The following PRR16 variants were observed in gnomAD, a reference collection of about 807,000 sequenced individuals.
PRR16 encodes proline rich 16, also known as protein Largen.
In PRR16, 6 loss-of-function variants were observed where a neutral mutation model predicts 18.2. That is an observed-to-expected ratio of 0.33 (90% CI 0.18 to 0.65). PRR16 has a LOEUF of 0.65. PRR16 is among the 30% of genes least tolerant of loss of function. The pLI is 0.74. For missense variants in PRR16, 412 were observed against 376.6 expected, an observed-to-expected ratio of 1.09 and a Z score of -0.78; for synonymous variants, 151 against 147.8, an observed-to-expected ratio of 1.02 and a Z score of -0.16.
the PRR16 span, among the ~76,000 whole-genome samples, chr5:120,728,725 A>G: frequency 6.6e-6 from 1 of 152,126 alleles, no homozygotes; most frequent in Non-Finnish European, 1.5e-5. Context: ...GGCAGGAGTA[A>G]CCTGCAGTCC....
the PRR16 span, among the ~76,000 whole-genome samples, chr5:120,772,489 T>G: frequency 5.6e-4 from 86 of 152,264 alleles, no homozygotes; most frequent in African/African-American, 2.0e-3. Context: ...ATACCGTTAA[T>G]GTAAAGCTTA....
At chr5:120,464,688 C>T (rs752237030) in intron 1 of PRR16, 43 bp downstream of exon 1, 176 of 1,496,112 alleles carry the variant, frequency 1.2e-4, no homozygotes, top group Non-Finnish European at 1.2e-4. Context: ...CACCCTTCGA[C>T]CCCTCCGGGG....
intron 1 of PRR16, among the ~76,000 whole-genome samples, chr5:120,626,951 A>T (rs2112831666): frequency 6.6e-6 from 1 of 152,208 alleles, no homozygotes; most frequent in East Asian, 1.9e-4. Context: ...GTCTTTTCAA[A>T]TGAAAATGTT....
chr5:120,532,060 AT>A (rs1751568892), intron 1 of PRR16, among the ~76,000 whole-genome samples: 1 of 152,078 alleles, frequency 6.6e-6, no homozygotes, highest in Admixed American at 6.6e-5. Context: ...CATGAGTTGC[AT>A]TTTTTTATCA....
chr5:120,618,661 A>G (rs1049440610), intron 1 of PRR16: 1 of 638,324 alleles, frequency 1.6e-6, no homozygotes, highest in South Asian at 7.0e-5. Flanking sequence ...GATAAAGAGG[A>G]AAAAGTAAAT....
chr5:120,594,400 C>T (rs1458233927), intron 1 of PRR16, among the ~76,000 whole-genome samples: 1 of 151,926 alleles, frequency 6.6e-6, no homozygotes, highest in Admixed American at 6.6e-5. Context: ...AGGAATACAG[C>T]TAATCAAGGT....
At chr5:120,712,504 A>G in the PRR16 span, among the ~76,000 whole-genome samples, 5 of 152,116 alleles carry the variant, frequency 3.3e-5, no homozygotes, top group Non-Finnish European at 4.4e-5. Context: ...AGTAATCAAC[A>G]AAAAGAAGGG....
the PRR16 span, among the ~76,000 whole-genome samples, chr5:120,719,317 T>C: frequency 7.2e-5 from 11 of 152,148 alleles, no homozygotes; most frequent in African/African-American, 2.4e-4. Context: ...TGATGGCATT[T>C]TTGGTTTGAT....
At chr5:120,640,346 A>C (rs1289224749) in intron 1 of PRR16, among the ~76,000 whole-genome samples, 2 of 152,144 alleles carry the variant, frequency 1.3e-5, no homozygotes, top group Non-Finnish European at 2.9e-5. Context: ...TTGCCACTGA[A>C]TTTAAATCTG....
chr5:120,519,575 C>T (rs1183738821), intron 1 of PRR16, among the ~76,000 whole-genome samples: 1 of 151,972 alleles, frequency 6.6e-6, no homozygotes, highest in Non-Finnish European at 1.5e-5. Flanking sequence ...ATGAAAATTC[C>T]ACATCATATG....
At chr5:120,525,237 T>A (rs1181496853) in intron 1 of PRR16, among the ~76,000 whole-genome samples, 2 of 152,154 alleles carry the variant, frequency 1.3e-5, no homozygotes, top group Non-Finnish European at 2.9e-5. Flanking sequence ...TAAATCAGGT[T>A]GTCTTCAAAT....
Position 120,617,083 on chromosome 5 carries a change from T to C in PRR16, c.160-68871T>C, listed in dbSNP as rs546890469. 4 of 982,222 alleles carry C rather than the reference T, an allele frequency of 4.1e-6. No homozygotes were observed. The Admixed American group carries it at 2.5e-4, about 60-fold the overall frequency. 60.8% of individuals were successfully genotyped at this position (982,222 alleles called of 1,614,324 possible). A position where few individuals can be genotyped will look rare whatever the true frequency, so the allele number is the denominator to read the frequency against. On this transcript the variant is annotated intron_variant, in intron 1 of 1. Transcript: ENST00000407149. ...TGAACTATTTTTTAAAGTTTTCTAA[T>C]TTTTTTAACAGAAGCTCCATTACCT...
intron 1 of PRR16, among the ~76,000 whole-genome samples, chr5:120,502,732 T>C (rs923344069): frequency 1.3e-5 from 2 of 152,190 alleles, no homozygotes; most frequent in African/African-American, 4.8e-5. Flanking sequence ...TTTTTGTCGG[T>C]CAAAATGGTT....
chr5:120,500,221 A>C (rs1299264241), intron 1 of PRR16, among the ~76,000 whole-genome samples: 1 of 152,164 alleles, frequency 6.6e-6, no homozygotes, highest in Non-Finnish European at 1.5e-5. Context: ...TCTTTTCTCA[A>C]GCCTTATGAT....
At chr5:120,504,274 T>A (rs190468730) in intron 1 of PRR16, among the ~76,000 whole-genome samples, 227 of 152,288 alleles carry the variant, frequency 1.5e-3, no homozygotes, top group Middle Eastern at 6.8e-3. Flanking sequence ...ACCAACCATG[T>A]TGCATCACCT....
At chr5:120,703,970 T>C in the PRR16 span, among the ~76,000 whole-genome samples, 55 of 152,318 alleles carry the variant, frequency 3.6e-4, no homozygotes, top group African/African-American at 1.3e-3. Flanking sequence ...TTTTGGGAGC[T>C]TTTCTATAAA....
the PRR16 span, among the ~76,000 whole-genome samples, chr5:120,731,949 C>T: frequency 6.6e-6 from 1 of 152,194 alleles, no homozygotes; most frequent in African/African-American, 2.4e-5. Context: ...GCTGGCAAGA[C>T]AGACTGGTGC....
Position 120,686,801 on chromosome 5 carries a change from CAAATAT to C in PRR16, c.*94_*99del. 9.3e-7 allele frequency: 1 copy of C among 1,080,928 alleles called. No homozygotes were observed. The highest frequency in any genetic ancestry group is 1.2e-6 in the Non-Finnish European group (1 of 810,330). The allele number at this position is 1,080,928 out of a possible 1,614,324, so 67.0% of individuals were successfully genotyped here. A position where few individuals can be genotyped will look rare whatever the true frequency, so the allele number is the denominator to read the frequency against. On this transcript the variant is annotated 3_prime_UTR_variant, in exon 2 of 2. Transcript: ENST00000407149. Reference sequence around the variant, plus strand: ...CTTTCTACTCAAGCAATAAAAAGCCCAAATATATTAATCCTGCATTCAGCAAAGTGG... The same window carrying C: ...CTTTCTACTCAAGCAATAAAAAGCCCATTAATCCTGCATTCAGCAAAGTGG...
the PRR16 span, among the ~76,000 whole-genome samples, chr5:120,741,433 C>T: frequency 2.0e-5 from 3 of 152,070 alleles, no homozygotes; most frequent in Non-Finnish European, 4.4e-5. Context: ...TTTATTTCAT[C>T]TTTTTTCATT....
Sources: gnomAD v4.1 joint callset for allele counts (sites outside exome capture counted in the v4.1 genomes callset) on GRCh38, gnomAD v4.1.1 for gene constraint, MANE v1.5 for transcripts, NCBI Gene and HGNC (gene_info 2026-07-23, HGNC 2026-07-21) for gene names.